The following CNTN3 variants were observed in gnomAD, a reference collection of about 807,000 sequenced individuals.
The protein encoded by CNTN3 is contactin 3.
Under a neutral mutation model 119.1 loss-of-function variants are expected in CNTN3, and 60 were observed. The observed-to-expected ratio is 0.50, with a 90% confidence interval of 0.41 to 0.62. The LOEUF (loss-of-function observed/expected upper bound fraction) is 0.62, where lower values mean the gene tolerates loss of function less well. CNTN3 is among the 20% of genes least tolerant of loss of function. The probability of loss-of-function intolerance (pLI) is 0.00; values close to 1 mark genes in which losing one functional copy is unlikely to be tolerated. For missense variants in CNTN3, 1,101 were observed against 1,242.4 expected (o/e 0.89, Z 1.71); for synonymous variants, 450 against 438.7 (o/e 1.03, Z -0.32).
intron 5 of CNTN3, among the ~76,000 whole-genome samples, chr3:74,395,728 G>T (rs1705031479): frequency 1.6e-5 from 2 of 124,224 alleles, no homozygotes; most frequent in Admixed American, 1.6e-4. Context: ...TTGTTTTATT[G>T]TGCTTTGCTT....
At chr3:74,517,181 C>T (rs1260775490) in intron 2 of CNTN3, among the ~76,000 whole-genome samples, 2 of 151,918 alleles carry the variant, frequency 1.3e-5, no homozygotes, top group East Asian at 3.9e-4. Context: ...CTTCAAGATA[C>T]CCACCTTTTT....
At chr3:74,411,737 T>C (rs535900879) in intron 5 of CNTN3, among the ~76,000 whole-genome samples, 123 of 152,136 alleles carry the variant, frequency 8.1e-4, no homozygotes, top group Non-Finnish European at 1.5e-3. Context: ...GAACACAGAC[T>C]TTACCAACTG....
At chr3:74,507,621 T>C (rs1703286897) in intron 2 of CNTN3, among the ~76,000 whole-genome samples, 1 of 133,880 alleles carries the variant, frequency 7.5e-6, no homozygotes, top group African/African-American at 2.8e-5. Flanking sequence ...TTTCTTTCTT[T>C]CTTTCTTTTT....
At chr3:74,370,014 T>A (rs1360409015) in intron 6 of CNTN3, 23 bp from the exon 7 acceptor site, 2 of 1,295,434 alleles carry the variant, frequency 1.5e-6, no homozygotes. Flanking sequence ...AATATAAAGT[T>A]AATCGTTTCA....
intron 4 of CNTN3, among the ~76,000 whole-genome samples, chr3:74,450,962 T>C (rs1386253196): frequency 2.0e-5 from 3 of 152,058 alleles, no homozygotes; most frequent in Non-Finnish European, 2.9e-5. Flanking sequence ...TGAATAGTGC[T>C]GCAATAAACA....
At chr3:74,522,190 T>C (rs988555820) in intron 1 of CNTN3, among the ~76,000 whole-genome samples, 4 of 151,868 alleles carry the variant, frequency 2.6e-5, no homozygotes, top group African/African-American at 7.2e-5. Flanking sequence ...TTGAAAAATA[T>C]GTACTTAAAA....
chr3:74,353,276 C>A (rs1391332323), intron 11 of CNTN3, among the ~76,000 whole-genome samples: 2 of 152,302 alleles, frequency 1.3e-5, no homozygotes, highest in East Asian at 1.9e-4. Context: ...GTGGTCTTGG[C>A]TCTGATAGAA....
intron 12 of CNTN3, 94 bp from the exon 13 acceptor site, chr3:74,335,004 G>C: frequency 1.3e-6 from 1 of 794,380 alleles, no homozygotes; most frequent in Non-Finnish European, 2.0e-6. Context: ...TACTGTGTAT[G>C]TCTGTAGATG....
intron 4 of CNTN3, among the ~76,000 whole-genome samples, chr3:74,475,896 T>G (rs1050464242): frequency 6.6e-6 from 1 of 152,200 alleles, no homozygotes; most frequent in Admixed American, 6.5e-5. Context: ...TCTGCCTTCT[T>G]GTTTCAGCTC....
intron 4 of CNTN3, among the ~76,000 whole-genome samples, chr3:74,442,547 C>T (rs2106930899): frequency 6.6e-6 from 1 of 152,178 alleles, no homozygotes; most frequent in Middle Eastern, 3.4e-3. Context: ...AAATCAAGTA[C>T]CTAATTTTCT....
chr3:74,534,802 G>A (rs1321570701), intron 1 of CNTN3, among the ~76,000 whole-genome samples: 3 of 151,830 alleles, frequency 2.0e-5, no homozygotes, highest in South Asian at 4.2e-4. Flanking sequence ...TTAGATTGGT[G>A]CAAAAGTAAT....
chr3:74,479,878 C>T (rs1438209937), intron 4 of CNTN3, among the ~76,000 whole-genome samples: 1 of 152,002 alleles, frequency 6.6e-6, no homozygotes, highest in Non-Finnish European at 1.5e-5. Flanking sequence ...CCTGAGAGGA[C>T]ATCCAAAAAT....
intron 1 of CNTN3, among the ~76,000 whole-genome samples, chr3:74,566,727 A>T (rs970748699): frequency 6.6e-6 from 1 of 152,166 alleles, no homozygotes; most frequent in African/African-American, 2.4e-5. Flanking sequence ...AAATAAGGTA[A>T]CAATCACAGG....
At chr3:74,579,598 T>C (rs1214138470) in intron 1 of CNTN3, among the ~76,000 whole-genome samples, 1 of 152,034 alleles carries the variant, frequency 6.6e-6, no homozygotes, top group Non-Finnish European at 1.5e-5. Flanking sequence ...TGCATTAAAT[T>C]AGAAATAACA....
At chr3:74,591,274 A>G (rs1392529221) in intron 1 of CNTN3, among the ~76,000 whole-genome samples, 3 of 151,994 alleles carry the variant, frequency 2.0e-5, no homozygotes, top group Non-Finnish European at 2.9e-5. Flanking sequence ...AGTAATATCA[A>G]TGAGGTTTGA....
intron 13 of CNTN3, among the ~76,000 whole-genome samples, chr3:74,324,191 C>A (rs1193152021): frequency 6.7e-6 from 1 of 150,368 alleles, no homozygotes; most frequent in African/African-American, 2.4e-5. Context: ...ATAACCCACA[C>A]CCTCTCAAAC....
chr3:74,549,814 C>T (rs374159862), intron 1 of CNTN3, among the ~76,000 whole-genome samples: 5 of 152,132 alleles, frequency 3.3e-5, no homozygotes, highest in East Asian at 1.9e-4. Flanking sequence ...ATTAGAACTA[C>T]GAGCAAGAGG....
intron 4 of CNTN3, among the ~76,000 whole-genome samples, chr3:74,471,658 T>C (rs1702568741): frequency 6.6e-6 from 1 of 152,198 alleles, no homozygotes; most frequent in Non-Finnish European, 1.5e-5. Flanking sequence ...ACTCATCTCA[T>C]GTCATTCTCT....
intron 5 of CNTN3, among the ~76,000 whole-genome samples, chr3:74,391,045 A>G (rs1704884342): frequency 6.6e-6 from 1 of 152,214 alleles, no homozygotes; most frequent in Non-Finnish European, 1.5e-5. Flanking sequence ...ATAGCTTGTA[A>G]TATGAATGAA....
Sources: allele counts gnomAD v4.1 joint callset (sites outside exome capture counted in the v4.1 genomes callset), GRCh38; gene constraint gnomAD v4.1.1; transcripts MANE v1.5; gene names NCBI Gene and HGNC (gene_info 2026-07-23, HGNC 2026-07-21).